TMEM217B: variants seen among roughly 807,000 people sequenced by gnomAD.
TMEM217B encodes transmembrane protein 217B, also known as putative transmembrane protein 217B.
the TMEM217B span, chr6:37,218,145 T>G: frequency 8.9e-7 from 1 of 1,124,266 alleles, no homozygotes. Context: ...CATGATTGCT[T>G]ATAGTGGTGG....
At chr6:37,254,120 T>C in the TMEM217B span, among the ~76,000 whole-genome samples, 3 of 152,220 alleles carry the variant, frequency 2.0e-5, no homozygotes, top group Non-Finnish European at 4.4e-5. Flanking sequence ...GTGAGGTCCA[T>C]GGATCAGCAG....
the TMEM217B span, among the ~76,000 whole-genome samples, chr6:37,250,513 T>C: frequency 6.6e-6 from 1 of 152,234 alleles, no homozygotes; most frequent in South Asian, 2.1e-4. Flanking sequence ...AAAAGCCATT[T>C]TGGAGAACAT....
the TMEM217B span, among the ~76,000 whole-genome samples, chr6:37,245,475 C>T: frequency 6.6e-6 from 1 of 152,220 alleles, no homozygotes; most frequent in African/African-American, 2.4e-5. Context: ...AGAGTGGGTG[C>T]ATTTTATTAG....
the TMEM217B span, among the ~76,000 whole-genome samples, chr6:37,238,141 G>A: frequency 3.4e-3 from 498 of 146,162 alleles, 4 homozygotes; most frequent in African/African-American, 0.011. Flanking sequence ...CTAATTGTAT[G>A]TATATAAAGT....
the TMEM217B span, among the ~76,000 whole-genome samples, chr6:37,256,182 C>A: frequency 6.6e-6 from 1 of 152,188 alleles, no homozygotes; most frequent in Non-Finnish European, 1.5e-5. Flanking sequence ...GAGTGTATGG[C>A]AGCTCACATA....
At chr6:37,249,301 C>T in the TMEM217B span, among the ~76,000 whole-genome samples, 2 of 151,822 alleles carry the variant, frequency 1.3e-5, no homozygotes, top group African/African-American at 2.4e-5. Context: ...TATTTCTTTT[C>T]ATTCTTCTTC....
chr6:37,253,270 A>G, the TMEM217B span, among the ~76,000 whole-genome samples: 1 of 151,758 alleles, frequency 6.6e-6, no homozygotes, highest in East Asian at 1.9e-4. Context: ...TATTCTTTTC[A>G]TTTTCCCCTG....
the TMEM217B span, among the ~76,000 whole-genome samples, chr6:37,237,804 CTATA>C: frequency 5.3e-5 from 8 of 151,982 alleles, no homozygotes; most frequent in African/African-American, 1.5e-4. Flanking sequence ...CCATCTTTCT[CTATA>C]TATATACACA....
the TMEM217B span, among the ~76,000 whole-genome samples, chr6:37,227,781 TATTA>T: frequency 6.6e-6 from 1 of 151,760 alleles, no homozygotes; most frequent in Non-Finnish European, 1.5e-5. Flanking sequence ...TCTTTATCAT[TATTA>T]CATCATCTCA....
chr6:37,241,074 T>A, the TMEM217B span, among the ~76,000 whole-genome samples: 3 of 151,842 alleles, frequency 2.0e-5, no homozygotes, highest in African/African-American at 7.3e-5. Context: ...TGTGCATGAG[T>A]TCTATATATA....
At chr6:37,224,461 G>T in the TMEM217B span, among the ~76,000 whole-genome samples, 1 of 151,554 alleles carries the variant, frequency 6.6e-6, no homozygotes, top group Non-Finnish European at 1.5e-5. Flanking sequence ...AGCCGGGCGT[G>T]GTGGCGGGCA....
At chr6:37,231,324 C>T in the TMEM217B span, among the ~76,000 whole-genome samples, 1 of 149,666 alleles carries the variant, frequency 6.7e-6, no homozygotes, top group Non-Finnish European at 1.5e-5. Flanking sequence ...CCTGCCTCAG[C>T]CTCCCAAAGT....
At chr6:37,238,742 G>A in the TMEM217B span, among the ~76,000 whole-genome samples, 4 of 152,228 alleles carry the variant, frequency 2.6e-5, no homozygotes, top group Non-Finnish European at 5.9e-5. Context: ...GTAGGCTAAG[G>A]ATGCCAACAT....
chr6:37,227,984 C>T, the TMEM217B span, among the ~76,000 whole-genome samples: 32 of 152,098 alleles, frequency 2.1e-4, no homozygotes, highest in African/African-American at 6.3e-4. Flanking sequence ...TTCCATGTTA[C>T]GGAAAGTTTC....
the TMEM217B span, among the ~76,000 whole-genome samples, chr6:37,247,476 C>T: frequency 6.6e-6 from 1 of 151,212 alleles, no homozygotes; most frequent in Non-Finnish European, 1.5e-5. Flanking sequence ...CAACCTCTGC[C>T]TCCCGGGTTA....
At chr6:37,218,928 T>G in the TMEM217B span, 4 of 1,614,028 alleles carry the variant, frequency 2.5e-6, no homozygotes, top group Non-Finnish European at 3.4e-6. Flanking sequence ...CCTAGGTGCT[T>G]CTGTTCAAAG....
chr6:37,218,965 G>A, the TMEM217B span: 2 of 1,614,182 alleles, frequency 1.2e-6, no homozygotes, highest in East Asian at 2.2e-5. Flanking sequence ...CGGCCATGAT[G>A]GTGAAGACCC....
the TMEM217B span, among the ~76,000 whole-genome samples, chr6:37,248,391 C>T: frequency 3.3e-5 from 5 of 152,172 alleles, no homozygotes; most frequent in African/African-American, 4.8e-5. Flanking sequence ...GAATTGAGGT[C>T]AACCTGAGGC....
the TMEM217B span, among the ~76,000 whole-genome samples, chr6:37,252,637 ATTTTTTTTTTTT>A: frequency 2.2e-4 from 16 of 71,366 alleles, no homozygotes; most frequent in South Asian, 2.0e-3. Flanking sequence ...ATATATATAT[ATTTTTTTTTTTT>A]TTTTTTTTTT....
Sources: gnomAD v4.1 joint callset for allele counts (sites outside exome capture counted in the v4.1 genomes callset) on GRCh38, gnomAD v4.1.1 for gene constraint, MANE v1.5 for transcripts, NCBI Gene and HGNC (gene_info 2026-07-23, HGNC 2026-07-21) for gene names.